KIF26B: variants seen among roughly 807,000 people sequenced by gnomAD.
KIF26B encodes kinesin-like protein KIF26B.
KIF26B carries 63 observed loss-of-function variants against 151.2 expected under a neutral mutation model. The observed-to-expected ratio is 0.42, with a 90% CI of 0.34 to 0.51. The LOEUF (loss-of-function observed/expected upper bound fraction) is 0.51, where lower values mean the gene tolerates loss of function less well. KIF26B is among the 20% of genes least tolerant of loss of function. KIF26B has a pLI of 0.07. For synonymous variants in KIF26B, 1,357 were observed against 1,262.1 expected (o/e 1.08, Z -1.59); for missense variants, 2,813 against 2,913.6 (o/e 0.97, Z 0.79).
At chr1:245,261,201 A>G (rs374217728) in intron 2 of KIF26B, among the ~76,000 whole-genome samples, 5 of 150,666 alleles carry the variant, frequency 3.3e-5, no homozygotes, top group African/African-American at 1.2e-4. Flanking sequence ...GCTGGAGTGC[A>G]ATGGTGCAAT....
intron 2 of KIF26B, among the ~76,000 whole-genome samples, chr1:245,169,414 C>A (rs183380630): frequency 1.3e-5 from 2 of 151,004 alleles, no homozygotes; most frequent in African/African-American, 4.9e-5. Flanking sequence ...GGTGGTAACA[C>A]GGTAGACATT....
At chr1:245,492,805 G>A (rs967647475) in intron 4 of KIF26B, among the ~76,000 whole-genome samples, 3 of 152,042 alleles carry the variant, frequency 2.0e-5, no homozygotes, top group African/African-American at 7.2e-5. Context: ...TTTGGAGATG[G>A]AGTCTTGCTC....
intron 9 of KIF26B, among the ~76,000 whole-genome samples, chr1:245,620,938 C>A (rs190390174): frequency 1.2e-4 from 18 of 152,196 alleles, no homozygotes; most frequent in African/African-American, 4.1e-4. Flanking sequence ...CCACTAACCA[C>A]GAGCCCTCAG....
intron 5 of KIF26B, among the ~76,000 whole-genome samples, chr1:245,559,413 G>A (rs1211446027): frequency 6.7e-6 from 1 of 149,910 alleles, no homozygotes; most frequent in East Asian, 1.9e-4. Context: ...TTTTTTTTTT[G>A]GTTTTTGGGT....
chr1:245,327,523 G>A (rs1410514109), intron 2 of KIF26B, among the ~76,000 whole-genome samples: 1 of 152,170 alleles, frequency 6.6e-6, no homozygotes, highest in Non-Finnish European at 1.5e-5. Flanking sequence ...TCTGTCAGAG[G>A]AGGCAGCGGA....
intron 4 of KIF26B, among the ~76,000 whole-genome samples, chr1:245,514,918 A>G (rs1278191770): frequency 6.6e-6 from 1 of 152,188 alleles, no homozygotes; most frequent in Non-Finnish European, 1.5e-5. Flanking sequence ...CCTTGATGTC[A>G]ATACTGTCCT....
At chr1:245,265,728 G>A (rs941241196) in intron 2 of KIF26B, among the ~76,000 whole-genome samples, 2 of 151,940 alleles carry the variant, frequency 1.3e-5, no homozygotes, top group African/African-American at 4.8e-5. Flanking sequence ...AGCTAGGACT[G>A]AGACTAGCTG....
intron 2 of KIF26B, among the ~76,000 whole-genome samples, chr1:245,292,557 T>TA (rs1671272830): frequency 6.6e-6 from 1 of 152,134 alleles, no homozygotes. Flanking sequence ...CCCCATTGGG[T>TA]ACTATTTTAC....
intron 2 of KIF26B, among the ~76,000 whole-genome samples, chr1:245,194,882 G>A (rs1669166171): frequency 6.6e-6 from 1 of 152,176 alleles, no homozygotes; most frequent in South Asian, 2.1e-4. Context: ...ATGTGTATGG[G>A]GGTGTGTGTG....
In KIF26B at chr1:245,403,529, G is replaced by A. The variant is rs1332170075; in HGVS notation, c.1000-16050G>A. Among the ~76,000 whole-genome samples the A allele has an allele frequency of 2.0e-5, 3 of 152,278 alleles. No homozygotes were observed. In the East Asian group the frequency reaches 5.8e-4, roughly 29 times the overall value. On this transcript the variant is annotated intron_variant, in intron 3 of 14. Transcript: ENST00000407071. ...CTTGAGCCTCGTCCCTTTTGGAAGA[G>A]CAGTTCTGGGGTGTGTGTGTGTGCG... is the stretch of plus-strand genomic sequence containing the variant.
intron 2 of KIF26B, among the ~76,000 whole-genome samples, chr1:245,315,347 C>T (rs532793036): frequency 6.6e-6 from 1 of 152,208 alleles, no homozygotes; most frequent in East Asian, 1.9e-4. Flanking sequence ...GAGACCCACA[C>T]TTCAAAATGG....
chr1:245,261,523 C>T (rs1425901030), intron 2 of KIF26B, among the ~76,000 whole-genome samples: 1 of 141,312 alleles, frequency 7.1e-6, no homozygotes, highest in Non-Finnish European at 1.5e-5. Context: ...CTCCCTCCCT[C>T]TCTCTCCCTC....
At chr1:245,377,852 C>T (rs927188912) in intron 3 of KIF26B, among the ~76,000 whole-genome samples, 8 of 152,058 alleles carry the variant, frequency 5.3e-5, no homozygotes, top group African/African-American at 9.7e-5. Flanking sequence ...CGGGCCAAGT[C>T]GAGAGAGGGA....
At position 245,540,329 on chromosome 1, in the gene KIF26B, C is replaced by A. The variant is rs1312082060; in HGVS notation, c.1167-438C>A. ...AGCATGCCTTGACTGGTCTCCACAT[C>A]GTTCTTCATCAGACTGGTTTGGATT... On this transcript the variant is annotated intron_variant, in intron 4 of 14. Transcript: ENST00000407071. This position sits in a 1 kb window ranked among gnomAD's most constrained non-coding sequence, Gnocchi z 4.6. 6.6e-6 allele frequency among the ~76,000 whole-genome samples: 1 copy of A among 152,144 alleles called. No individual in the cohort carries two copies. Among genetic ancestry groups the A allele is most frequent in the Non-Finnish European group, 1.5e-5 (1 of 68,018 alleles).
intron 9 of KIF26B, among the ~76,000 whole-genome samples, chr1:245,618,468 A>G (rs1460690787): frequency 2.0e-5 from 3 of 150,556 alleles, no homozygotes; most frequent in African/African-American, 7.4e-5. Flanking sequence ...AGAGTGCCAC[A>G]GTGCTGGGGC....
At chr1:245,344,918 C>T (rs1248606598) in intron 2 of KIF26B, among the ~76,000 whole-genome samples, 1 of 151,998 alleles carries the variant, frequency 6.6e-6, no homozygotes, top group Non-Finnish European at 1.5e-5. Flanking sequence ...TCCTTCTATC[C>T]CCCGGCTTCA....
In KIF26B at chr1:245,563,589, A is replaced by G. The variant is rs2042976729; in HGVS notation, c.1350+22639A>G. 6.6e-6 allele frequency among the ~76,000 whole-genome samples: 1 copy of G among 152,106 alleles called. No individual in the cohort carries two copies. Among genetic ancestry groups the G allele is most frequent in the African/African-American group, 2.4e-5 (1 of 41,384 alleles). ...TGGCTGACAGATTCCGGAGGCCTTC[A>G]ACTCCCACCTATGAAGCAGCCAGTG... On this transcript the variant is annotated intron_variant, in intron 5 of 14. Coordinates refer to ENST00000407071, the MANE Select transcript of KIF26B (RefSeq NM_018012.4). The surrounding 1 kb of genome is among the most constrained non-coding windows in gnomAD (Gnocchi z 4.6).
At chr1:245,324,893 G>A (rs1414546784) in intron 2 of KIF26B, among the ~76,000 whole-genome samples, 1 of 151,946 alleles carries the variant, frequency 6.6e-6, no homozygotes, top group African/African-American at 2.4e-5. Flanking sequence ...TCAGGAGTTC[G>A]AGACCAGCCT....
chr1:245,466,289 C>T (rs1163820099), intron 4 of KIF26B, among the ~76,000 whole-genome samples: 1 of 152,186 alleles, frequency 6.6e-6, no homozygotes, highest in Non-Finnish European at 1.5e-5. Context: ...ATGGCCTGCA[C>T]GCCGGCTCCC....
Sources: gnomAD v4.1 joint callset for allele counts (sites outside exome capture counted in the v4.1 genomes callset) on GRCh38, gnomAD v4.1.1 for gene constraint, Gnocchi (gnomAD v3.1) non-coding constraint, MANE v1.5 for transcripts, NCBI Gene and HGNC (gene_info 2026-07-23, HGNC 2026-07-21) for gene names.